The following PIK3R4 variants were observed in gnomAD, a reference collection of about 807,000 sequenced individuals.
PIK3R4 encodes phosphoinositide-3-kinase regulatory subunit 4, also known as phosphoinositide 3-kinase regulatory subunit 4.
PIK3R4 carries 46 observed loss-of-function variants against 136.5 expected under a neutral mutation model. The observed-to-expected ratio is 0.34, with a 90% CI of 0.27 to 0.43. The LOEUF (loss-of-function observed/expected upper bound fraction) is 0.43, where lower values mean the gene tolerates loss of function less well. Ranked by LOEUF, PIK3R4 falls within the 20% of genes least tolerant of loss-of-function variation. The probability of loss-of-function intolerance (pLI) is 1.00; values close to 1 mark genes in which losing one functional copy is unlikely to be tolerated. For missense variants in PIK3R4, 1,331 were observed against 1,649.5 expected (o/e 0.81, Z 3.35); for synonymous variants, 557 against 566.7 (o/e 0.98, Z 0.24).
chr3:130,688,854 T>C (rs997026981), intron 14 of PIK3R4, among the ~76,000 whole-genome samples: 2 of 152,242 alleles, frequency 1.3e-5, no homozygotes, highest in Admixed American at 1.3e-4. Flanking sequence ...CATACATTCC[T>C]GTTGAATATT....
intron 7 of PIK3R4, among the ~76,000 whole-genome samples, chr3:130,719,850 C>G (rs1410572280): frequency 6.6e-6 from 1 of 152,086 alleles, no homozygotes; most frequent in African/African-American, 2.4e-5. Context: ...AAACAGGAAT[C>G]TGAAATGTGC....
chr3:130,705,839 G>T, intron 11 of PIK3R4, 68 bp from the exon 12 acceptor site: 1 of 848,110 alleles, frequency 1.2e-6, no homozygotes, highest in Non-Finnish European at 1.9e-6. Flanking sequence ...AGAAGTGTAT[G>T]CATGTTTTTA....
intron 15 of PIK3R4, 41 bp downstream of exon 15, chr3:130,686,161 AGGCATTAGT>A (rs1191003759): frequency 9.3e-7 from 1 of 1,072,950 alleles, no homozygotes; most frequent in South Asian, 1.3e-5. Flanking sequence ...CAGCAATTGC[AGGCATTAGT>A]GGCATTCAAA....
chr3:130,732,074 G>C (rs1032820902), intron 4 of PIK3R4, among the ~76,000 whole-genome samples: 1 of 152,180 alleles, frequency 6.6e-6, no homozygotes, highest in Non-Finnish European at 1.5e-5. Context: ...AGAAAAGCAG[G>C]ATTGCTTCAA....
intron 13 of PIK3R4, among the ~76,000 whole-genome samples, chr3:130,700,374 A>G (rs774181136): frequency 2.0e-5 from 3 of 152,234 alleles, no homozygotes; most frequent in Non-Finnish European, 4.4e-5. Context: ...CGAATACCAA[A>G]TGCATCCATC....
chr3:130,735,275 CA>C, intron 3 of PIK3R4, among the ~76,000 whole-genome samples: 1 of 152,210 alleles, frequency 6.6e-6, no homozygotes, highest in Non-Finnish European at 1.5e-5. Context: ...GTCATCACCA[CA>C]ATATCAGTTA....
chr3:130,737,451 G>A (rs1324611110), intron 2 of PIK3R4, among the ~76,000 whole-genome samples: 1 of 152,192 alleles, frequency 6.6e-6, no homozygotes, highest in East Asian at 1.9e-4. Context: ...CTTGAGGTCA[G>A]GAGTTCGAGA....
At chr3:130,732,216 G>A (rs1350233307) in intron 4 of PIK3R4, among the ~76,000 whole-genome samples, 1 of 152,128 alleles carries the variant, frequency 6.6e-6, no homozygotes, top group Non-Finnish European at 1.5e-5. Context: ...TAACGCTCAA[G>A]GTTGTTGCAG....
At chr3:130,720,273 G>A (rs1020914536) in intron 7 of PIK3R4, among the ~76,000 whole-genome samples, 1 of 151,676 alleles carries the variant, frequency 6.6e-6, no homozygotes, top group African/African-American at 2.4e-5. Flanking sequence ...TCGACTCATC[G>A]CAACCTCCGC....
intron 9 of PIK3R4, 72 bp from the exon 10 acceptor site, chr3:130,708,564 C>T (rs1251111394): frequency 2.3e-6 from 3 of 1,312,798 alleles, no homozygotes; most frequent in African/African-American, 2.9e-5. Context: ...GAATGACTAA[C>T]AACTGAAGGG....
chr3:130,718,627 A>ATTACC, intron 7 of PIK3R4, 93 bp from the exon 8 acceptor site: 1 of 1,259,292 alleles, frequency 7.9e-7, no homozygotes, highest in East Asian at 2.5e-5. Context: ...TGACAAAAGG[A>ATTACC]TTTTGCCACA....
chr3:130,736,562 T>C (rs946387449), intron 2 of PIK3R4, among the ~76,000 whole-genome samples: 1 of 152,060 alleles, frequency 6.6e-6, no homozygotes, highest in African/African-American at 2.4e-5. Flanking sequence ...CCAGCCTGGA[T>C]GACAGAGTGA....
chr3:130,745,352 A>T (rs2066846455), intron 1 of PIK3R4, 88 bp from the exon 2 acceptor site: 1 of 887,382 alleles, frequency 1.1e-6, no homozygotes, highest in Non-Finnish European at 1.7e-6. Flanking sequence ...TCTCTTCCAA[A>T]AAGACAGATG....
chr3:130,682,719 CTTT>C (rs1416711507), intron 16 of PIK3R4, among the ~76,000 whole-genome samples: 8 of 152,234 alleles, frequency 5.3e-5, no homozygotes, highest in African/African-American at 1.9e-4. Context: ...ACTGTGCTAT[CTTT>C]TTTAATACCC....
In PIK3R4 at chr3:130,746,416, G is replaced by C. The variant is rs2066853601; in HGVS notation, c.-145C>G. 2.0e-5 allele frequency: 3 copies of C among 152,406 alleles called. No homozygotes were observed. The highest frequency in any genetic ancestry group is 3.4e-3 in the Middle Eastern group (1 of 294). The allele number at this position is 152,406 out of a possible 1,614,324, so 9.4% of individuals were successfully genotyped here. A position where few individuals can be genotyped will look rare whatever the true frequency, so the allele number is the denominator to read the frequency against. On this transcript the variant is annotated 5_prime_UTR_variant, in exon 1 of 20. Transcript: ENST00000356763. ...GACGGGAAAACGCGTCAGCAGCGGG[G>C]AAGTTGTTTCTACGAAGGGTCTTTC...
chr3:130,741,753 C>G lies in PIK3R4; in HGVS notation c.733+2733G>C, dbSNP rs375172868. ...ATCTCTCTCCCCACTAGAATGAAAGCTCCATAATGGCAAAAGCTTAGTCAA... is the reference window on the plus strand; with the variant it reads ...ATCTCTCTCCCCACTAGAATGAAAGGTCCATAATGGCAAAAGCTTAGTCAA... On this transcript the variant is annotated intron_variant, in intron 2 of 19. Transcript: ENST00000356763. Among the ~76,000 whole-genome samples the G allele has an allele frequency of 5.3e-5, 8 of 152,284 alleles. No individual in the cohort carries two copies. In the East Asian group the frequency reaches 1.4e-3, roughly 26 times the overall value.
At chr3:130,734,914 ACTCAAATGTAC>A (rs886732155) in intron 3 of PIK3R4, among the ~76,000 whole-genome samples, 1 of 152,240 alleles carries the variant, frequency 6.6e-6, no homozygotes, top group East Asian at 1.9e-4. Flanking sequence ...AACATGGGGG[ACTCAAATGTAC>A]TAAAAGAAAA....
chr3:130,737,038 TAA>T (rs1206041346), intron 2 of PIK3R4, among the ~76,000 whole-genome samples: 2 of 152,198 alleles, frequency 1.3e-5, no homozygotes. Flanking sequence ...TTAACAAGTC[TAA>T]AGAGATCCTT....
intron 14 of PIK3R4, among the ~76,000 whole-genome samples, chr3:130,688,423 A>G (rs1028025426): frequency 2.0e-5 from 3 of 152,248 alleles, no homozygotes; most frequent in African/African-American, 4.8e-5. Context: ...ATGCCCTTCA[A>G]TGTGATTATG....
Sources: allele counts gnomAD v4.1 joint callset (sites outside exome capture counted in the v4.1 genomes callset), GRCh38; gene constraint gnomAD v4.1.1; transcripts MANE v1.5; gene names NCBI Gene and HGNC (gene_info 2026-07-23, HGNC 2026-07-21).